STXBP5L: variants seen among roughly 807,000 people sequenced by gnomAD.
The protein encoded by STXBP5L is syntaxin binding protein 5L, also known as syntaxin-binding protein 5-like.
STXBP5L carries 65 observed loss-of-function variants against 144.5 expected under a neutral mutation model. That is an observed-to-expected ratio of 0.45 (90% CI 0.37 to 0.55). The LOEUF (loss-of-function observed/expected upper bound fraction) is 0.55. STXBP5L is among the 20% of genes least tolerant of loss of function. STXBP5L has a pLI of 0.00. For missense variants in STXBP5L, 1,298 were observed against 1,405.5 expected (o/e 0.92, Z 1.22); for synonymous variants, 505 against 469.6 (o/e 1.08, Z -0.97).
intron 20 of STXBP5L, among the ~76,000 whole-genome samples, chr3:121,319,426 GA>G (rs1242665881): frequency 1.3e-5 from 2 of 152,090 alleles, no homozygotes; most frequent in Non-Finnish European, 2.9e-5. Context: ...TTCCATCCCT[GA>G]AAAGTGGTTA....
chr3:121,190,270 C>T (rs1699960), intron 9 of STXBP5L, among the ~76,000 whole-genome samples: 95,220 of 151,904 alleles, frequency 0.63, 30,042 homozygotes, highest in East Asian at 0.8. Context: ...TTAGCGAGCA[C>T]GCTGCCTTCA....
intron 11 of STXBP5L, among the ~76,000 whole-genome samples, chr3:121,233,117 C>T (rs897019118): frequency 6.6e-6 from 1 of 152,094 alleles, no homozygotes; most frequent in South Asian, 2.1e-4. Flanking sequence ...GATATGGTTA[C>T]ACAACCTATA....
chr3:121,393,314 C>A (rs1043403286), intron 22 of STXBP5L, among the ~76,000 whole-genome samples: 2 of 151,852 alleles, frequency 1.3e-5, no homozygotes, highest in African/African-American at 4.8e-5. Context: ...GAGTTCCTTG[C>A]AGATTCTGGG....
At chr3:121,104,949 C>A (rs545991713) in intron 5 of STXBP5L, among the ~76,000 whole-genome samples, 1 of 152,206 alleles carries the variant, frequency 6.6e-6, no homozygotes, top group East Asian at 1.9e-4. Flanking sequence ...AACAGGCAAC[C>A]CACAGAGTGG....
chr3:121,407,547 G>A lies in STXBP5L; in HGVS notation c.2892G>A (p.Met964Ile). Residue 964 changes from methionine (M) to isoleucine (I), a missense_variant, in exon 23 of 27, where the codon ATG becomes ATA. Met to Ile is a conservative substitution (Grantham distance 10). Coordinates refer to ENST00000471454, the MANE Select transcript of STXBP5L (RefSeq NM_001308330.2). ...SFILQANVVV[M>I]CSSACLACFC... Reference sequence around the variant, plus strand: ...TACTGCAAGCAAATGTGGTGGTCATGTGTAGCAGTGCCTGCTTGGCATGCT... The same window carrying A: ...TACTGCAAGCAAATGTGGTGGTCATATGTAGCAGTGCCTGCTTGGCATGCT... 6.2e-7 allele frequency: 1 copy of A among 1,613,380 alleles called. No individual in the cohort carries two copies. Among genetic ancestry groups the A allele is most frequent in the Non-Finnish European group, 8.5e-7 (1 of 1,179,558 alleles).
chr3:120,952,049 G>A (rs12635816), intron 2 of STXBP5L, among the ~76,000 whole-genome samples: 14 of 150,458 alleles, frequency 9.3e-5, no homozygotes, highest in Non-Finnish European at 1.9e-4. Context: ...GTAAACTATC[G>A]CAAGAACAAA....
At chr3:120,935,121 TTA>T (rs913228926) in intron 2 of STXBP5L, among the ~76,000 whole-genome samples, 2 of 151,870 alleles carry the variant, frequency 1.3e-5, no homozygotes, top group Non-Finnish European at 2.9e-5. Context: ...TTTGAGCATT[TTA>T]TATCATTCAA....
At chr3:121,172,704 G>T (rs2046772594) in intron 9 of STXBP5L, among the ~76,000 whole-genome samples, 3 of 152,182 alleles carry the variant, frequency 2.0e-5, no homozygotes, top group Admixed American at 2.0e-4. Flanking sequence ...AGGATGTGGA[G>T]AAATAGGAAT....
chr3:121,111,966 G>A (rs1481986709), intron 5 of STXBP5L, among the ~76,000 whole-genome samples: 2 of 152,168 alleles, frequency 1.3e-5, no homozygotes, highest in Non-Finnish European at 2.9e-5. Context: ...ATCCAGTGAG[G>A]AGGAATGGGT....
At chr3:121,083,750 T>C (rs1418317791) in intron 5 of STXBP5L, among the ~76,000 whole-genome samples, 1 of 152,200 alleles carries the variant, frequency 6.6e-6, no homozygotes, top group East Asian at 1.9e-4. Context: ...ATTTCTTTTT[T>C]GGAAATTTGG....
chr3:121,235,052 A>T (rs2049431928), intron 12 of STXBP5L, among the ~76,000 whole-genome samples: 1 of 151,896 alleles, frequency 6.6e-6, no homozygotes, highest in Non-Finnish European at 1.5e-5. Flanking sequence ...TATAACATAA[A>T]AGTTACCATT....
At chr3:121,093,517 A>T in intron 5 of STXBP5L, among the ~76,000 whole-genome samples, 1 of 152,220 alleles carries the variant, frequency 6.6e-6, no homozygotes, top group Non-Finnish European at 1.5e-5. Flanking sequence ...ATATGTGTCG[A>T]GGAATTTATC....
chr3:121,130,658 A>T (rs2044940801), intron 7 of STXBP5L, among the ~76,000 whole-genome samples: 1 of 152,056 alleles, frequency 6.6e-6, no homozygotes, highest in Non-Finnish European at 1.5e-5. Flanking sequence ...ACCCTGAATG[A>T]CCCTGGTAAA....
intron 5 of STXBP5L, among the ~76,000 whole-genome samples, chr3:121,054,230 C>T (rs895723060): frequency 5.3e-5 from 8 of 152,074 alleles, no homozygotes; most frequent in African/African-American, 2.4e-5. Flanking sequence ...ACCCAGCCAT[C>T]CCATTACTGG....
At chr3:121,107,612 T>C (rs2107801944) in intron 5 of STXBP5L, among the ~76,000 whole-genome samples, 1 of 152,280 alleles carries the variant, frequency 6.6e-6, no homozygotes, top group South Asian at 2.1e-4. Flanking sequence ...TTGGTTACTA[T>C]AGCCTTGTGG....
intron 9 of STXBP5L, among the ~76,000 whole-genome samples, chr3:121,187,738 T>C (rs565193629): frequency 2.6e-5 from 4 of 151,908 alleles, no homozygotes; most frequent in East Asian, 1.9e-4. Flanking sequence ...TTAAAAGACA[T>C]AGTCTGGCAA....
intron 3 of STXBP5L, among the ~76,000 whole-genome samples, chr3:121,027,277 ATAGT>A (rs1476775011): frequency 6.6e-6 from 1 of 152,096 alleles, no homozygotes; most frequent in Non-Finnish European, 1.5e-5. Flanking sequence ...TCAAATTCAT[ATAGT>A]TAATCATGAT....
intron 3 of STXBP5L, among the ~76,000 whole-genome samples, chr3:120,992,264 C>T (rs1942972279): frequency 6.6e-6 from 1 of 152,020 alleles, no homozygotes; most frequent in Admixed American, 6.6e-5. Flanking sequence ...TTAGCATATC[C>T]ATTACCTCAA....
At chr3:120,967,892 T>G (rs918923575) in intron 3 of STXBP5L, among the ~76,000 whole-genome samples, 1 of 152,196 alleles carries the variant, frequency 6.6e-6, no homozygotes, top group Non-Finnish European at 1.5e-5. Flanking sequence ...TGCTTAATAA[T>G]TATGATTTTG....
Sources: gnomAD v4.1 joint callset for allele counts (sites outside exome capture counted in the v4.1 genomes callset) on GRCh38, gnomAD v4.1.1 for gene constraint, MANE v1.5 for transcripts, NCBI Gene and HGNC (gene_info 2026-07-23, HGNC 2026-07-21) for gene names.